The following LYSMD4 variants were observed in gnomAD, a reference collection of about 807,000 sequenced individuals.
LYSMD4 encodes the protein LysM domain containing 4, also known as lysM and putative peptidoglycan-binding domain-containing protein 4.
Under a neutral mutation model 6.1 loss-of-function variants are expected in LYSMD4, and 9 were observed. The ratio of observed to expected loss-of-function variants is 1.47; its 90% CI spans 0.88 to 2.56. LYSMD4 has a LOEUF of 2.56. LYSMD4 is among the 30% of genes most tolerant of loss of function. The probability of loss-of-function intolerance (pLI) is 0.00; values close to 1 mark genes in which losing one functional copy is unlikely to be tolerated. For missense variants in LYSMD4, 384 were observed against 373.5 expected (o/e 1.03, Z -0.23); for synonymous variants, 143 against 148.5 (o/e 0.96, Z 0.27).
chr15:99,731,616 G>C, intron 2 of LYSMD4, 102 bp downstream of exon 2: 1 of 1,521,480 alleles, frequency 6.6e-7, no homozygotes, highest in Non-Finnish European at 8.8e-7. Flanking sequence ...CTCTCCTGAC[G>C]GCCTGGCAGG....
chr15:99,733,243 C>A, intron 1 of LYSMD4, 102 bp downstream of exon 1: 1 of 377,974 alleles, frequency 2.6e-6, no homozygotes. Flanking sequence ...CGGGGAGGGG[C>A]GGCCCGCCCG....
At chr15:99,732,077 A>C in intron 1 of LYSMD4, 70 bp from the exon 2 acceptor site, 1 of 1,449,358 alleles carries the variant, frequency 6.9e-7, no homozygotes, top group Non-Finnish European at 9.2e-7. Context: ...GTTTAAAGAG[A>C]AGTGTCTTGT....
rs915548760 is a variant in LYSMD4 at position 99,729,153 on chromosome 15, C to T, written c.861G>A (p.Gln287=). The part of the protein sequence containing the change: ...AVPAVTSADS[Q]FSQTTQAGS The stretch of plus-strand genomic sequence containing the variant: ...TCCCCGCTTGGGTGGTCTGACTGAA[C>T]TGGCTGTCTGCAGAAGTGACGGCTG... The change falls in exon 3 of 3, where the codon CAG becomes CAA. Residue 287 remains glutamine, a synonymous_variant. Transcript: ENST00000684762. 1 of 1,614,064 alleles carries T rather than the reference C, an allele frequency of 6.2e-7. No individual in the cohort carries two copies. The highest frequency in any genetic ancestry group is 2.2e-5 in the East Asian group (1 of 44,868).
At chr15:99,731,650 C>T in intron 2 of LYSMD4, 68 bp downstream of exon 2, 2 of 1,522,710 alleles carry the variant, frequency 1.3e-6, no homozygotes, top group Non-Finnish European at 1.8e-6. Flanking sequence ...GCAAGGGCAC[C>T]CACCCTGCAG....
chr15:99,731,708 G>T lies in LYSMD4; in HGVS notation c.282+10C>A, dbSNP rs1476554837. On this transcript the variant is annotated intron_variant, in intron 2 of 2. Coordinates refer to ENST00000684762, the MANE Select transcript of LYSMD4 (RefSeq NM_001284417.2). ...ACGGAGCGGGGCAGGGCCCCTGAGGGGTGTCTTACTTTGCAGCCATACTGC... is the reference window on the plus strand; with the variant it reads ...ACGGAGCGGGGCAGGGCCCCTGAGGTGTGTCTTACTTTGCAGCCATACTGC... 6 of 1,576,408 alleles carry T rather than the reference G, an allele frequency of 3.8e-6. No homozygotes were observed. In the African/African-American group the frequency reaches 5.4e-5, roughly 14 times the overall value.
downstream of LYSMD4, among the ~76,000 whole-genome samples, chr15:99,726,600 G>A (rs1359294718): frequency 6.6e-6 from 1 of 151,958 alleles, no homozygotes; most frequent in Non-Finnish European, 1.5e-5. Context: ...ACCTCTGCTG[G>A]GCAGTGGCGG....
chr15:99,729,689 C>T lies in LYSMD4; in HGVS notation c.325G>A (p.Asp109Asn), dbSNP rs771380009. ...TTAACAGATTTCAAAGCATATAAGT[C>T]TTGTTCTCTGATGAAGTTGTTGACT... ...KKVNNFIREQ[D>N]LYALKSVKIP... Residue 109 changes from aspartate to asparagine, a missense_variant, in exon 3 of 3, where the codon GAC (aspartate) becomes AAC (asparagine). Physicochemically the swap from Asp to Asn is conservative, Grantham distance 23. Transcript: ENST00000684762. The T allele has an allele frequency of 1.2e-6, 2 of 1,613,302 alleles. No individual in the cohort carries two copies. Among genetic ancestry groups the T allele is most frequent in the Non-Finnish European group, 1.7e-6 (2 of 1,179,918 alleles).
rs2059426018 is a variant in LYSMD4, at chr15:99,731,874, C to T, written c.126G>A (p.Glu42=). Residue 42 remains glutamate (E), a synonymous_variant, in exon 2 of 3, where the codon GAG becomes GAA. Coordinates refer to ENST00000684762, the MANE Select transcript of LYSMD4 (RefSeq NM_001284417.2). ...GGGGCCGCAAAACCACACGGTGAGA[C>T]TCTTCTTCAGAAGAGTCCCCCGAGT... ...SGDSGDSSEE[E]SHRVVLRPRG... is the part of the protein sequence containing the mutation. The T allele has an allele frequency of 1.9e-6, 3 of 1,613,620 alleles. No homozygotes were observed. Among genetic ancestry groups the T allele is most frequent in the Non-Finnish European group, 2.5e-6 (3 of 1,180,040 alleles).
exon 1 of LYSMD4, chr15:99,717,198 AGCAGG>A (rs2059193634): frequency 6.5e-6 from 1 of 154,042 alleles, no homozygotes; most frequent in African/African-American, 2.4e-5. Context: ...GGCTCTTATT[AGCAGG>A]TTTTGAAAGC....
At chr15:99,718,919 A>G (rs201868674), upstream of LYSMD4, among the ~76,000 whole-genome samples, 16,670 of 65,072 alleles carry the variant, frequency 0.26, 1,773 homozygotes, top group African/African-American at 0.34. Context: ...GCACACACAC[A>G]CACACACACA....
In LYSMD4 at chr15:99,731,848, C is replaced by T. The variant is rs1232550819; in HGVS notation, c.152G>A (p.Arg51Gln). 1.2e-6 allele frequency: 2 copies of T among 1,613,314 alleles called. No individual in the cohort carries two copies. The highest frequency in any genetic ancestry group is 1.1e-5 in the South Asian group (1 of 91,064). ...ACCGCTCTTGTGGCGCTCCTTGCCCCGGGGCCGCAAAACCACACGGTGAGA... is the reference window on the plus strand; with the variant it reads ...ACCGCTCTTGTGGCGCTCCTTGCCCTGGGGCCGCAAAACCACACGGTGAGA... Reference protein sequence around the residue: ...EESHRVVLRPRGKERHKSGVH... With the variant: ...EESHRVVLRPQGKERHKSGVH... Residue 51 changes from arginine to glutamine, a missense_variant, in exon 2 of 3, where the codon CGG becomes CAG. By Grantham distance (43) the Arg-to-Gln change is conservative. Transcript: ENST00000684762.
downstream of LYSMD4, among the ~76,000 whole-genome samples, chr15:99,725,632 G>T (rs1044651650): frequency 2.6e-5 from 4 of 152,066 alleles, no homozygotes; most frequent in Non-Finnish European, 4.4e-5. Context: ...GCAGGTAAAT[G>T]CTGATTCTAC....
At chr15:99,716,150 A>G (rs2059131095) in exon 1 of LYSMD4, 1 of 165,586 alleles carries the variant, frequency 6.0e-6, no homozygotes, top group African/African-American at 2.4e-5. Context: ...TTTGCTGTGC[A>G]AGAAGACACT....
At position 99,731,829 on chromosome 15, in the gene LYSMD4, C is replaced by CTTG. The variant is rs1163269053; in HGVS notation, c.168_170dup (p.His56_Lys57insAsn). Reference sequence around the variant, plus strand: ...CCTGGGGAGGCTGGTGGACACCGCTCTTGTGGCGCTCCTTGCCCCGGGGCC... The same window carrying CTTG: ...CCTGGGGAGGCTGGTGGACACCGCTCTTGTTGTGGCGCTCCTTGCCCCGGGGCC... On this transcript the variant is annotated inframe_insertion, in exon 2 of 3. Transcript: ENST00000684762. 1 of 1,613,078 alleles carries CTTG rather than the reference C, an allele frequency of 6.2e-7. No homozygotes were observed. The highest frequency in any genetic ancestry group is 1.7e-5 in the Admixed American group (1 of 60,032).
upstream of LYSMD4, among the ~76,000 whole-genome samples, chr15:99,719,283 G>A: frequency 6.6e-6 from 1 of 152,168 alleles, no homozygotes; most frequent in East Asian, 1.9e-4. Context: ...AGCTTCATCT[G>A]TTCGTGTTTT....
chr15:99,732,030 A>C, intron 1 of LYSMD4, 23 bp from the exon 2 acceptor site: 1 of 1,529,552 alleles, frequency 6.5e-7, no homozygotes. Context: ...CCGGAGGGTT[A>C]ATTCCACAGA....
Position 99,729,684 on chromosome 15 carries a change from TAA to T in LYSMD4, c.328_329del (p.Leu110IlefsTer7). The T allele has an allele frequency of 6.2e-7, 1 of 1,613,658 alleles. No homozygotes were observed. Among genetic ancestry groups the T allele is most frequent in the Middle Eastern group, 1.6e-4 (1 of 6,062 alleles). ...KVNNFIREQDLYALKSVKIPV... is the reference protein window; with the variant it reads ...KVNNFIREQDXYALKSVKIPV... ...GAATCTTAACAGATTTCAAAGCATA[TAA>T]GTCTTGTTCTCTGATGAAGTTGTTG... On this transcript the variant is annotated frameshift_variant, in exon 3 of 3. Transcript: ENST00000684762. LOFTEE classifies it low-confidence loss of function (END_TRUNC).
At chr15:99,719,841 C>T (rs1312196793), upstream of LYSMD4, among the ~76,000 whole-genome samples, 1 of 152,152 alleles carries the variant, frequency 6.6e-6, no homozygotes, top group African/African-American at 2.4e-5. Context: ...GACATCCTTG[C>T]CAACAGAGTG....
chr15:99,733,280 C>T (rs2141150544), intron 1 of LYSMD4, 65 bp downstream of exon 1: 2 of 387,342 alleles, frequency 5.2e-6, no homozygotes, highest in East Asian at 3.7e-5. Flanking sequence ...GCCAGGTCGC[C>T]GTACCGCCAT....
Sources: gnomAD v4.1 joint callset for allele counts (sites outside exome capture counted in the v4.1 genomes callset) on GRCh38, gnomAD v4.1.1 for gene constraint, MANE v1.5 for transcripts, NCBI Gene and HGNC (gene_info 2026-07-23, HGNC 2026-07-21) for gene names.